The following ZNF605 variants were observed in gnomAD, a reference collection of about 807,000 sequenced individuals.
The protein encoded by ZNF605 is zinc finger protein 605.
In ZNF605, 9 loss-of-function variants were observed where a neutral mutation model predicts 7.9. The observed-to-expected ratio is 1.14, with a 90% CI of 0.68 to 1.98. ZNF605 has a LOEUF of 1.98. ZNF605 is among the 30% of genes most tolerant of loss of function. ZNF605 has a pLI of 0.00. For missense variants in ZNF605, 673 were observed against 762.4 expected (o/e 0.88, Z 1.38); for synonymous variants, 255 against 260.1 (o/e 0.98, Z 0.19).
chr12:132,926,819 A>T lies in ZNF605; in HGVS notation c.480T>A (p.Ala160=). Residue 160 remains alanine (A), a synonymous_variant, in exon 5 of 5, where the codon GCT becomes GCA. Coordinates refer to ENST00000360187, the MANE Select transcript of ZNF605 (RefSeq NM_183238.4). The part of the protein sequence containing the change: ...KSSNEEPWLT[A]NHITHTGVYL... ...AGACTCCTGTGTGTGTTATGTGATT[A>T]GCAGTGAGCCATGGCTCTTCGTTGC... 1 of 1,614,222 alleles carries T rather than the reference A, an allele frequency of 6.2e-7. No homozygotes were observed. The highest frequency in any genetic ancestry group is 8.5e-7 in the Non-Finnish European group (1 of 1,180,040).
intron 3 of ZNF605, among the ~76,000 whole-genome samples, chr12:132,937,384 A>C (rs1952379103): frequency 6.6e-6 from 1 of 151,752 alleles, no homozygotes. Context: ...AAAAAAAGAA[A>C]ATGTATGGAT....
intron 3 of ZNF605, chr12:132,945,244 A>G (rs1794552619): frequency 3.0e-6 from 2 of 661,386 alleles, no homozygotes; most frequent in Admixed American, 5.1e-5. Flanking sequence ...GATTACAGGC[A>G]TGAGCCACCA....
intron 1 of ZNF605, among the ~76,000 whole-genome samples, chr12:132,950,426 C>G (rs1952544795): frequency 6.6e-6 from 1 of 151,894 alleles, no homozygotes; most frequent in Non-Finnish European, 1.5e-5. Flanking sequence ...CACGTACAGA[C>G]ACGCACATAC....
intron 1 of ZNF605, among the ~76,000 whole-genome samples, chr12:132,950,903 C>G (rs993513830): frequency 4.5e-4 from 69 of 151,946 alleles, no homozygotes; most frequent in African/African-American, 1.6e-3. Context: ...CAGACGCACA[C>G]ACATACTGAT....
rs1290781726 is a variant in ZNF605 at position 132,941,522 on chromosome 12, C to T, written c.15+4099G>A. 6.6e-6 allele frequency among the ~76,000 whole-genome samples: 1 copy of T among 152,230 alleles called. No individual in the cohort carries two copies. The highest frequency in any genetic ancestry group is 1.5e-5 in the Non-Finnish European group (1 of 68,038). On this transcript the variant is annotated intron_variant, in intron 3 of 4. Coordinates refer to ENST00000360187, the MANE Select transcript of ZNF605 (RefSeq NM_183238.4). This position sits in a 1 kb window ranked among gnomAD's most constrained non-coding sequence, Gnocchi z 5.1. Reference sequence around the variant, plus strand: ...CTGAGCGCAGTGCTTCTGAGAACAGCCCCAGTCCAAACTACACATCAATAG... The same window carrying T: ...CTGAGCGCAGTGCTTCTGAGAACAGTCCCAGTCCAAACTACACATCAATAG...
At position 132,924,502 on chromosome 12, in the gene ZNF605, C is replaced by T. The variant is rs1310359998; in HGVS notation, c.*871G>A. 6.6e-6 allele frequency: 1 copy of T among 152,228 alleles called. No homozygotes were observed. Among genetic ancestry groups the T allele is most frequent in the African/African-American group, 2.4e-5 (1 of 41,440 alleles). 9.4% of individuals were successfully genotyped at this position (152,228 alleles called of 1,614,324 possible). A position where few individuals can be genotyped will look rare whatever the true frequency, so the allele number is the denominator to read the frequency against. On this transcript the variant is annotated 3_prime_UTR_variant, in exon 5 of 5. Coordinates refer to ENST00000360187, the MANE Select transcript of ZNF605 (RefSeq NM_183238.4). ...CTTGAGCCCTGTATCTAGAAGGATC[C>T]CATCTCTCCAGTACTTTCCCCTGGA... is the stretch of plus-strand genomic sequence containing the variant.
At chr12:132,950,690 TACAC>T in intron 1 of ZNF605, among the ~76,000 whole-genome samples, 1 of 146,558 alleles carries the variant, frequency 6.8e-6, no homozygotes, top group Non-Finnish European at 1.5e-5. Context: ...ACACACACAG[TACAC>T]ACAGACATGC....
chr12:132,931,537 G>A (rs998012501), intron 4 of ZNF605, among the ~76,000 whole-genome samples: 2 of 152,200 alleles, frequency 1.3e-5, no homozygotes, highest in African/African-American at 4.8e-5. Context: ...TCTACCTGGG[G>A]AAAATGTACC....
intron 4 of ZNF605, among the ~76,000 whole-genome samples, chr12:132,930,065 ACTGTGTCG>A (rs1453173051): frequency 6.6e-6 from 1 of 152,258 alleles, no homozygotes; most frequent in Non-Finnish European, 1.5e-5. Flanking sequence ...ACAGGATATC[ACTGTGTCG>A]CCCAAGGAGT....
At chr12:132,936,541 A>G (rs766311967) in intron 3 of ZNF605, among the ~76,000 whole-genome samples, 11 of 152,234 alleles carry the variant, frequency 7.2e-5, no homozygotes, top group Non-Finnish European at 1.3e-4. Flanking sequence ...GGATAAAAAC[A>G]CAAGTTAATG....
At chr12:132,932,753 T>C (rs1464235792) in intron 4 of ZNF605, 2 of 1,536,590 alleles carry the variant, frequency 1.3e-6, no homozygotes, top group African/African-American at 2.7e-5. Context: ...CTATTATCCA[T>C]GGATCTTGTT....
At chr12:132,931,826 T>A (rs1039173375) in intron 4 of ZNF605, among the ~76,000 whole-genome samples, 3 of 152,186 alleles carry the variant, frequency 2.0e-5, no homozygotes, top group Non-Finnish European at 4.4e-5. Context: ...AAGTTAAACA[T>A]CAAATGTACC....
chr12:132,941,806 T>C lies in ZNF605; in HGVS notation c.15+3815A>G, dbSNP rs923696488. 1.2e-3 allele frequency among the ~76,000 whole-genome samples: 180 copies of C among 151,144 alleles called. 2 individuals carry two copies. The highest frequency in any genetic ancestry group is 1.5e-3 in the South Asian group (7 of 4,750). ...TCACGCGCCCTTTTCCAGGCTGCCC[T>C]CTGTCACGCTCCTTCTCGAGGCTGC... On this transcript the variant is annotated intron_variant, in intron 3 of 4. Transcript: ENST00000360187. This position sits in a 1 kb window ranked among gnomAD's most constrained non-coding sequence, Gnocchi z 5.1.
intron 3 of ZNF605, among the ~76,000 whole-genome samples, chr12:132,935,771 T>C (rs1347108908): frequency 7.9e-5 from 12 of 151,476 alleles, no homozygotes; most frequent in Non-Finnish European, 1.3e-4. Flanking sequence ...TGGGCGCCTG[T>C]AGTCCCAGCT....
At chr12:132,943,637 C>T (rs2137153017) in intron 3 of ZNF605, among the ~76,000 whole-genome samples, 1 of 152,258 alleles carries the variant, frequency 6.6e-6, no homozygotes, top group South Asian at 2.1e-4. Context: ...CCTGAAGACA[C>T]TTTTCCCCAC....
At chr12:132,955,146 G>C (rs1382956139) in intron 1 of ZNF605, among the ~76,000 whole-genome samples, 1 of 152,152 alleles carries the variant, frequency 6.6e-6, no homozygotes, top group South Asian at 2.1e-4. Flanking sequence ...GAAGGAGAAC[G>C]GGCTTCTGGG....
At chr12:132,953,647 G>C (rs913723940) in intron 1 of ZNF605, among the ~76,000 whole-genome samples, 2 of 151,940 alleles carry the variant, frequency 1.3e-5, no homozygotes, top group Non-Finnish European at 2.9e-5. Flanking sequence ...GGATGGTGTG[G>C]ATCTCTTGAC....
At chr12:132,954,375 G>GTGT (rs1952609675) in intron 1 of ZNF605, among the ~76,000 whole-genome samples, 1 of 105,850 alleles carries the variant, frequency 9.4e-6, no homozygotes, top group African/African-American at 3.8e-5. Flanking sequence ...CGGGGGAGAA[G>GTGT]GGGCTTCAGT....
chr12:132,945,273 G>T, intron 3 of ZNF605: 5 of 784,854 alleles, frequency 6.4e-6, no homozygotes, highest in Non-Finnish European at 1.1e-5. Flanking sequence ...TGAGACTTTT[G>T]TATGTTTCTA....
Sources: gnomAD v4.1 joint callset for allele counts (sites outside exome capture counted in the v4.1 genomes callset) on GRCh38, gnomAD v4.1.1 for gene constraint, Gnocchi (gnomAD v3.1) non-coding constraint, MANE v1.5 for transcripts, NCBI Gene and HGNC (gene_info 2026-07-23, HGNC 2026-07-21) for gene names.